UNC13C: variants seen among roughly 807,000 people sequenced by gnomAD.
UNC13C encodes the protein unc-13 homolog C, also known as protein unc-13 homolog C.
Under a neutral mutation model 245.4 loss-of-function variants are expected in UNC13C, and 174 were observed. That is an observed-to-expected ratio of 0.71 (90% CI 0.63 to 0.80). UNC13C has a LOEUF of 0.80. Ranked by LOEUF, UNC13C falls within the 30% of genes least tolerant of loss-of-function variation. The pLI is 0.00. For missense variants in UNC13C, 2,829 were observed against 2,602.9 expected, an observed-to-expected ratio of 1.09 and a Z score of -1.89; for synonymous variants, 992 against 895.1, an observed-to-expected ratio of 1.11 and a Z score of -1.93.
At chr15:54,117,870 C>T (rs559676708) in intron 2 of UNC13C, among the ~76,000 whole-genome samples, 2 of 152,216 alleles carry the variant, frequency 1.3e-5, no homozygotes, top group South Asian at 4.1e-4. Flanking sequence ...CATGTACTAC[C>T]ACGCCTGGCC....
intron 4 of UNC13C, among the ~76,000 whole-genome samples, chr15:54,173,069 CT>C (rs1443663501): frequency 6.6e-6 from 1 of 151,794 alleles, no homozygotes; most frequent in Non-Finnish European, 1.5e-5. Flanking sequence ...TTTCTGAACT[CT>C]CTATCCTGTT....
the UNC13C span, among the ~76,000 whole-genome samples, chr15:53,971,110 T>A: frequency 6.6e-6 from 1 of 152,212 alleles, no homozygotes; most frequent in African/African-American, 2.4e-5. Flanking sequence ...TGATTAGTGA[T>A]GTTGAGCATA....
At chr15:53,958,758 T>C in the UNC13C span, among the ~76,000 whole-genome samples, 2 of 152,242 alleles carry the variant, frequency 1.3e-5, no homozygotes, top group South Asian at 2.1e-4. Flanking sequence ...CTAATCAGGG[T>C]AATTGGGATA....
At chr15:53,964,047 T>C in the UNC13C span, among the ~76,000 whole-genome samples, 1 of 152,158 alleles carries the variant, frequency 6.6e-6, no homozygotes, top group Non-Finnish European at 1.5e-5. Flanking sequence ...AAAGAAATGG[T>C]CTTTACCCAT....
At chr15:54,076,992 A>G (rs1042630287) in intron 2 of UNC13C, among the ~76,000 whole-genome samples, 2 of 152,192 alleles carry the variant, frequency 1.3e-5, no homozygotes, top group African/African-American at 4.8e-5. Context: ...ATATTTATGT[A>G]TAAGAAAATG....
At chr15:54,598,645 T>C (rs74853879) in intron 30 of UNC13C, among the ~76,000 whole-genome samples, 4,825 of 150,764 alleles carry the variant, frequency 0.032, 254 homozygotes, top group African/African-American at 0.11. Flanking sequence ...GTTTAAGTTG[T>C]AAAATTGGAG....
chr15:54,512,517 T>C, intron 24 of UNC13C: 1 of 363,092 alleles, frequency 2.8e-6, no homozygotes, highest in Admixed American at 3.5e-5. Flanking sequence ...GCTATGCACC[T>C]GCATCTTCCT....
At chr15:54,614,511 A>T (rs1314356339) in intron 30 of UNC13C, among the ~76,000 whole-genome samples, 1 of 152,050 alleles carries the variant, frequency 6.6e-6, no homozygotes, top group Non-Finnish European at 1.5e-5. Context: ...AACACTCACT[A>T]CAACCCAACA....
Position 54,143,352 on chromosome 15 carries a change from A to C in UNC13C, c.3007-268A>C, listed in dbSNP as rs541165664. Among the ~76,000 whole-genome samples the C allele has an allele frequency of 1.2e-4, 18 of 152,296 alleles. No individual in the cohort carries two copies. The South Asian group carries it at 3.5e-3, about 30-fold the overall frequency. On this transcript the variant is annotated intron_variant, in intron 3 of 32. Transcript: ENST00000260323. Reference sequence around the variant, plus strand: ...GACTGATTCATGATCTTCACTGTGCATATCAAGTTTTAAGGGCAAATAGTA... The same window carrying C: ...GACTGATTCATGATCTTCACTGTGCCTATCAAGTTTTAAGGGCAAATAGTA...
the UNC13C span, among the ~76,000 whole-genome samples, chr15:53,855,509 T>C: frequency 3.9e-5 from 6 of 152,316 alleles, no homozygotes; most frequent in South Asian, 1.2e-3. Context: ...AATGAAAGGA[T>C]GTTGAGTTTT....
chr15:53,937,409 T>C, the UNC13C span, among the ~76,000 whole-genome samples: 1 of 152,264 alleles, frequency 6.6e-6, no homozygotes, highest in East Asian at 1.9e-4. Flanking sequence ...CTATGACTAA[T>C]TGGGGTACAT....
At chr15:54,144,212 C>T (rs146069658) in intron 4 of UNC13C, among the ~76,000 whole-genome samples, 5 of 152,082 alleles carry the variant, frequency 3.3e-5, no homozygotes, top group Admixed American at 6.6e-5. Flanking sequence ...CAAGCAGCCT[C>T]GTCTTTAATG....
chr15:54,615,651 CT>C (rs1433776462), intron 30 of UNC13C, among the ~76,000 whole-genome samples: 1 of 152,148 alleles, frequency 6.6e-6, no homozygotes, highest in East Asian at 1.9e-4. Context: ...TAGATAATGA[CT>C]GTCTACATCT....
At chr15:54,278,782 C>A (rs541958336) in intron 10 of UNC13C, among the ~76,000 whole-genome samples, 25 of 152,186 alleles carry the variant, frequency 1.6e-4, no homozygotes, top group African/African-American at 6.0e-4. Context: ...ACATTTGACC[C>A]TTTTGACCTA....
At chr15:54,143,821 C>T in intron 4 of UNC13C, 137 bp downstream of exon 4, 1 of 573,990 alleles carries the variant, frequency 1.7e-6, no homozygotes, top group Non-Finnish European at 3.0e-6. Context: ...ATAAAGTTGA[C>T]ATTATAGTGT....
At chr15:54,200,886 T>C (rs956050042) in intron 4 of UNC13C, among the ~76,000 whole-genome samples, 2 of 151,774 alleles carry the variant, frequency 1.3e-5, no homozygotes, top group Admixed American at 1.3e-4. Context: ...AAACAAAAAG[T>C]TTGTTCTTTG....
rs55925649 is a variant in UNC13C, at chr15:54,175,508, A to ATTTTTTTTTTTTTTTTT, written c.3071+31830_3071+31846dup. On this transcript the variant is annotated intron_variant, in intron 4 of 32. Coordinates refer to ENST00000260323, the MANE Select transcript of UNC13C (RefSeq NM_001080534.3). Reference sequence around the variant, plus strand: ...AAAACACTGTTGTTGTGGCCCTAGAATTTTTTTTTTTTTTTTTTTTTTGAG... The same window carrying ATTTTTTTTTTTTTTTTT: ...AAAACACTGTTGTTGTGGCCCTAGAATTTTTTTTTTTTTTTTTTTTTTTTTTTTTTTTTTTTTTTGAG... Among the ~76,000 whole-genome samples the ATTTTTTTTTTTTTTTTT allele has an allele frequency of 1.6e-3, 174 of 105,978 alleles. 7 individuals carry two copies. The highest frequency in any genetic ancestry group is 6.5e-3 in the African/African-American group (170 of 26,222). 69.5% of individuals were successfully genotyped at this position (105,978 alleles called of 152,430 possible).
At chr15:54,032,011 C>G (rs141713961) in intron 2 of UNC13C, among the ~76,000 whole-genome samples, 1 of 151,986 alleles carries the variant, frequency 6.6e-6, no homozygotes, top group African/African-American at 2.4e-5. Flanking sequence ...AAATAGCTAC[C>G]GGAAGTATTA....
chr15:54,031,556 T>C (rs1045121864), intron 2 of UNC13C, among the ~76,000 whole-genome samples: 8 of 152,126 alleles, frequency 5.3e-5, no homozygotes, highest in African/African-American at 1.9e-4. Context: ...CTTTGGACAA[T>C]TTGAAGTTTC....
Sources: gnomAD v4.1 joint callset for allele counts (sites outside exome capture counted in the v4.1 genomes callset) on GRCh38, gnomAD v4.1.1 for gene constraint, MANE v1.5 for transcripts, NCBI Gene and HGNC (gene_info 2026-07-23, HGNC 2026-07-21) for gene names.